Variants in PTPRT observed in about 807,000 individuals in gnomAD.
PTPRT encodes the protein protein tyrosine phosphatase receptor type T.
PTPRT carries 56 observed loss-of-function variants against 176.8 expected under a neutral mutation model. The observed-to-expected ratio is 0.32, with a 90% CI of 0.26 to 0.40. The LOEUF is 0.40. PTPRT is among the 10% of genes least tolerant of loss of function. PTPRT has a pLI of 1.00. For synonymous variants in PTPRT, 783 were observed against 739.0 expected (o/e 1.06, Z -0.96); for missense variants, 1,540 against 1,908.2 (o/e 0.81, Z 3.60).
intron 12 of PTPRT, among the ~76,000 whole-genome samples, chr20:42,310,401 TA>T (rs1476705825): frequency 6.6e-6 from 1 of 152,198 alleles, no homozygotes. Context: ...GGTACTGTCT[TA>T]TTTTCTCTGA....
chr20:42,716,526 T>C (rs1235953151), intron 6 of PTPRT, among the ~76,000 whole-genome samples: 1 of 152,236 alleles, frequency 6.6e-6, no homozygotes, highest in Admixed American at 6.5e-5. Flanking sequence ...TTTTCATGTG[T>C]CTTTTGGTTG....
At chr20:42,316,285 A>T (rs1894595) in intron 11 of PTPRT, among the ~76,000 whole-genome samples, 89 of 152,326 alleles carry the variant, frequency 5.8e-4, no homozygotes, top group African/African-American at 2.1e-3. Context: ...AGTAAATGGT[A>T]GCAGCATCTG....
At chr20:42,113,216 G>A (rs1057403139) in intron 22 of PTPRT, among the ~76,000 whole-genome samples, 2 of 152,180 alleles carry the variant, frequency 1.3e-5, no homozygotes, top group Non-Finnish European at 2.9e-5. Context: ...ATCTTCCCTC[G>A]TGGTTGTTTA....
intron 11 of PTPRT, among the ~76,000 whole-genome samples, chr20:42,340,343 G>A (rs996882546): frequency 3.3e-5 from 5 of 152,230 alleles, no homozygotes; most frequent in South Asian, 2.1e-4. Context: ...AAAATTCTTC[G>A]TAAGCCTATA....
chr20:42,671,920 C>T (rs974711439), intron 7 of PTPRT, among the ~76,000 whole-genome samples: 4 of 152,138 alleles, frequency 2.6e-5, no homozygotes, highest in South Asian at 4.1e-4. Context: ...TCAGGTAGTC[C>T]GCATGGAAGA....
chr20:42,896,991 G>C (rs889727278), intron 1 of PTPRT, among the ~76,000 whole-genome samples: 4 of 152,118 alleles, frequency 2.6e-5, no homozygotes, highest in East Asian at 1.9e-4. Context: ...GTGTGCCGGG[G>C]GGGTGTTTAA....
intron 9 of PTPRT, among the ~76,000 whole-genome samples, chr20:42,418,321 G>A (rs2059085208): frequency 6.6e-6 from 1 of 151,870 alleles, no homozygotes; most frequent in Non-Finnish European, 1.5e-5. Context: ...TTACATATGT[G>A]ACTCACATAA....
intron 9 of PTPRT, among the ~76,000 whole-genome samples, chr20:42,362,273 A>G (rs1381058850): frequency 2.0e-5 from 3 of 152,178 alleles, no homozygotes. Flanking sequence ...TCTCTAAAAA[A>G]CAAAAGTAAA....
At chr20:42,093,588 T>C (rs1232830465) in intron 27 of PTPRT, among the ~76,000 whole-genome samples, 2 of 152,250 alleles carry the variant, frequency 1.3e-5, no homozygotes, top group African/African-American at 4.8e-5. Flanking sequence ...CTTATTTTGC[T>C]GCAGCTTACA....
chr20:42,435,206 C>T (rs1260060032), intron 9 of PTPRT, among the ~76,000 whole-genome samples: 1 of 151,838 alleles, frequency 6.6e-6, no homozygotes, highest in East Asian at 1.9e-4. Context: ...ATTGTGAGTC[C>T]CTTTGTTTAT....
chr20:42,168,397 G>A (rs1989923655), intron 16 of PTPRT, among the ~76,000 whole-genome samples: 1 of 152,154 alleles, frequency 6.6e-6, no homozygotes, highest in African/African-American at 2.4e-5. Flanking sequence ...AGGGTTAAAT[G>A]TGATTCCACT....
At chr20:42,217,958 G>T (rs931761169) in intron 15 of PTPRT, among the ~76,000 whole-genome samples, 55 of 152,212 alleles carry the variant, frequency 3.6e-4, no homozygotes, top group African/African-American at 1.3e-3. Context: ...GAGGAATTCA[G>T]GGCCCAGAAA....
At chr20:42,938,132 C>G (rs566776715) in intron 1 of PTPRT, among the ~76,000 whole-genome samples, 50 of 152,230 alleles carry the variant, frequency 3.3e-4, no homozygotes, top group African/African-American at 1.2e-3. Context: ...ACCCAAAGAA[C>G]AGACAGCTAA....
At position 42,184,592 on chromosome 20, in the gene PTPRT, TTCC is replaced by T. The variant is rs1990683700; in HGVS notation, c.2491+14645_2491+14647del. Among the ~76,000 whole-genome samples, 153 of 141,452 alleles carry T rather than the reference TTCC, an allele frequency of 1.1e-3. 1 individual carries two copies. The highest frequency in any genetic ancestry group is 2.0e-3 in the African/African-American group (73 of 35,716). The allele number at this position is 141,452 out of a possible 152,430, so 92.8% of individuals were successfully genotyped here. Reference sequence around the variant, plus strand: ...CTTCTTCTTCTTCTTCTTCTTCTTCTTCCTCTTCTTCTTCTTCTTCTTCTCCTC... The same window carrying T: ...CTTCTTCTTCTTCTTCTTCTTCTTCTTCTTCTTCTTCTTCTTCTTCTCCTC... On this transcript the variant is annotated intron_variant, in intron 16 of 30. Transcript: ENST00000373187.
intron 14 of PTPRT, 98 bp downstream of exon 14, chr20:42,248,589 C>T (rs1318140663): frequency 2.1e-6 from 3 of 1,449,642 alleles, no homozygotes; most frequent in African/African-American, 2.8e-5. Flanking sequence ...CAGAAGATCC[C>T]TGCTGGACAA....
intron 1 of PTPRT, among the ~76,000 whole-genome samples, chr20:43,036,323 C>T (rs1215989713): frequency 6.6e-6 from 1 of 152,142 alleles, no homozygotes; most frequent in Non-Finnish European, 1.5e-5. Flanking sequence ...CTTTGAACTC[C>T]TGGGCAGAAG....
intron 6 of PTPRT, among the ~76,000 whole-genome samples, chr20:42,748,208 C>T (rs1056422128): frequency 6.6e-6 from 1 of 152,156 alleles, no homozygotes; most frequent in Middle Eastern, 3.2e-3. Context: ...GAGAGAAAGT[C>T]TGCCAACCTT....
intron 6 of PTPRT, among the ~76,000 whole-genome samples, chr20:42,718,389 C>A (rs1456037784): frequency 6.6e-6 from 1 of 151,944 alleles, no homozygotes; most frequent in Non-Finnish European, 1.5e-5. Context: ...TACAAAAAAT[C>A]AGCCGGGCTT....
chr20:42,032,826 A>G, the PTPRT span, among the ~76,000 whole-genome samples: 13 of 152,102 alleles, frequency 8.5e-5, no homozygotes, highest in South Asian at 2.7e-3. Context: ...GTTGTGAGCA[A>G]TCCTACACCC....
Sources: allele counts gnomAD v4.1 joint callset (sites outside exome capture counted in the v4.1 genomes callset), GRCh38; gene constraint gnomAD v4.1.1; transcripts MANE v1.5; gene names NCBI Gene and HGNC (gene_info 2026-07-23, HGNC 2026-07-21).